The following CHRM2 variants were observed in gnomAD, a reference collection of about 807,000 sequenced individuals.
CHRM2 encodes the protein cholinergic receptor muscarinic 2, also known as muscarinic acetylcholine receptor M2.
In CHRM2, 8 loss-of-function variants were observed where a neutral mutation model predicts 25.0. The ratio of observed to expected loss-of-function variants is 0.32; its 90% confidence interval spans 0.19 to 0.58. The LOEUF (loss-of-function observed/expected upper bound fraction) is 0.58, where lower values mean the gene tolerates loss of function less well. Among genes scored for constraint, CHRM2 ranks in the 20% least tolerant of loss-of-function variants. The pLI is 0.88. For missense variants in CHRM2, 440 were observed against 567.1 expected (o/e 0.78, Z 2.28); for synonymous variants, 202 against 205.7 (o/e 0.98, Z 0.15).
chr7:136,987,853 A>G (rs1802961706), intron 2 of CHRM2, among the ~76,000 whole-genome samples: 1 of 151,796 alleles, frequency 6.6e-6, no homozygotes, highest in Admixed American at 6.6e-5. Flanking sequence ...TGTGTATAAC[A>G]CTCCTTATTG....
intron 2 of CHRM2, among the ~76,000 whole-genome samples, chr7:136,889,981 G>A (rs1361579428): frequency 2.6e-5 from 4 of 152,108 alleles, no homozygotes; most frequent in African/African-American, 9.7e-5. Context: ...ACTTCTCCCT[G>A]CTATAGCACA....
At chr7:136,936,063 T>C (rs1033549218) in intron 2 of CHRM2, among the ~76,000 whole-genome samples, 1 of 152,172 alleles carries the variant, frequency 6.6e-6, no homozygotes, top group African/African-American at 2.4e-5. Flanking sequence ...GGAACTCTTG[T>C]TAAAATTTAT....
At chr7:136,995,508 ATTCCAGTACT>A (rs1403475925) in intron 3 of CHRM2, among the ~76,000 whole-genome samples, 9 of 152,318 alleles carry the variant, frequency 5.9e-5, no homozygotes. Flanking sequence ...CATGCCCATA[ATTCCAGTACT>A]TTCGGAGGCC....
intron 2 of CHRM2, among the ~76,000 whole-genome samples, chr7:136,875,488 C>T (rs906026800): frequency 1.1e-4 from 17 of 152,190 alleles, no homozygotes; most frequent in African/African-American, 3.9e-4. Context: ...AATCCATCCC[C>T]CTCTTTCCAT....
intron 2 of CHRM2, among the ~76,000 whole-genome samples, chr7:136,906,093 C>T (rs1488194143): frequency 6.7e-6 from 1 of 149,640 alleles, no homozygotes; most frequent in Non-Finnish European, 1.5e-5. Context: ...ACAAAATTTA[C>T]AATATGTATG....
At chr7:136,885,389 G>A (rs1276396418) in intron 2 of CHRM2, among the ~76,000 whole-genome samples, 1 of 152,146 alleles carries the variant, frequency 6.6e-6, no homozygotes, top group African/African-American at 2.4e-5. Context: ...CATCTGTATA[G>A]CCACATAAAG....
intron 3 of CHRM2, among the ~76,000 whole-genome samples, chr7:137,011,579 T>C (rs1804830755): frequency 6.6e-6 from 1 of 151,882 alleles, no homozygotes; most frequent in Non-Finnish European, 1.5e-5. Context: ...AGGGCAAAAT[T>C]CCCCATCTAG....
intron 2 of CHRM2, among the ~76,000 whole-genome samples, chr7:136,925,018 G>A (rs2130752546): frequency 6.6e-6 from 1 of 152,200 alleles, no homozygotes; most frequent in East Asian, 1.9e-4. Context: ...TGAATACAAG[G>A]TATTGTGTGG....
rs117958524 is a variant in CHRM2, at chr7:136,952,443, C to A, written c.-124-39744C>A. ...CAATTCACAAATGAGAAATTGAGAA[C>A]CAGTGGCATTGTTCAAATTGTTTAT... On this transcript the variant is annotated intron_variant, in intron 2 of 3. Coordinates refer to ENST00000680005, the MANE Select transcript of CHRM2 (RefSeq NM_001006630.2). Among the ~76,000 whole-genome samples, 274 of 152,166 alleles carry A rather than the reference C, an allele frequency of 1.8e-3. 9 individuals carry two copies. The East Asian group carries it at 0.041, about 23-fold the overall frequency.
chr7:136,900,197 C>A (rs1384776702), intron 2 of CHRM2, among the ~76,000 whole-genome samples: 1 of 151,998 alleles, frequency 6.6e-6, no homozygotes, highest in Admixed American at 6.6e-5. Context: ...TGATACATTC[C>A]CCAACCCTTG....
chr7:136,928,362 A>T (rs1798861885), intron 2 of CHRM2, among the ~76,000 whole-genome samples: 2 of 152,228 alleles, frequency 1.3e-5, no homozygotes, highest in South Asian at 4.1e-4. Flanking sequence ...TGCAATATGT[A>T]AAATATCTAG....
intron 3 of CHRM2, among the ~76,000 whole-genome samples, chr7:136,997,501 T>C (rs1379355575): frequency 6.6e-6 from 1 of 152,220 alleles, no homozygotes; most frequent in Non-Finnish European, 1.5e-5. Flanking sequence ...TTTTACTTTT[T>C]AATGTCCAAA....
At chr7:136,986,815 T>C (rs1020247007) in intron 2 of CHRM2, among the ~76,000 whole-genome samples, 2 of 152,206 alleles carry the variant, frequency 1.3e-5, no homozygotes, top group African/African-American at 4.8e-5. Context: ...GGGACCGTTT[T>C]TGTTCCAGAT....
At chr7:136,901,101 T>C (rs1035155662) in intron 2 of CHRM2, among the ~76,000 whole-genome samples, 1 of 152,120 alleles carries the variant, frequency 6.6e-6, no homozygotes, top group African/African-American at 2.4e-5. Flanking sequence ...TCTAATACTT[T>C]CTTCCTGCAA....
At chr7:136,920,259 T>C (rs1019984631) in intron 2 of CHRM2, among the ~76,000 whole-genome samples, 8 of 152,130 alleles carry the variant, frequency 5.3e-5, no homozygotes, top group Non-Finnish European at 1.2e-4. Flanking sequence ...GTTATGATAG[T>C]GAAACATTTT....
At chr7:136,912,920 T>A in intron 2 of CHRM2, among the ~76,000 whole-genome samples, 1 of 151,916 alleles carries the variant, frequency 6.6e-6, no homozygotes, top group East Asian at 1.9e-4. Context: ...AGTGAGATAA[T>A]CTGGTGAAGA....
chr7:136,989,779 A>G (rs1371781338), intron 2 of CHRM2, among the ~76,000 whole-genome samples: 4 of 152,010 alleles, frequency 2.6e-5, no homozygotes, highest in African/African-American at 9.7e-5. Flanking sequence ...CCCCTTCACA[A>G]CTATTTCAGA....
chr7:136,903,568 A>G (rs1483183827), intron 2 of CHRM2, among the ~76,000 whole-genome samples: 2 of 152,148 alleles, frequency 1.3e-5, no homozygotes, highest in East Asian at 1.9e-4. Context: ...TTAATTATGT[A>G]CAGAATGAAT....
intron 2 of CHRM2, among the ~76,000 whole-genome samples, chr7:136,963,714 T>C (rs981969278): frequency 3.3e-5 from 5 of 152,142 alleles, no homozygotes; most frequent in African/African-American, 1.2e-4. Context: ...GAATCACTTT[T>C]AAAAAAATGA....
Sources: gnomAD v4.1 joint callset for allele counts (sites outside exome capture counted in the v4.1 genomes callset) on GRCh38, gnomAD v4.1.1 for gene constraint, MANE v1.5 for transcripts, NCBI Gene and HGNC (gene_info 2026-07-23, HGNC 2026-07-21) for gene names.